XPNPEP2: variants seen among roughly 807,000 people sequenced by gnomAD.
XPNPEP2 encodes X-prolyl aminopeptidase 2, also known as xaa-Pro aminopeptidase 2.
A neutral mutation model predicts 59.8 loss-of-function variants in XPNPEP2; 64 were observed. The ratio of observed to expected loss-of-function variants is 1.07; its 90% CI spans 0.87 to 1.32. The LOEUF (loss-of-function observed/expected upper bound fraction) is 1.32. Ranked by LOEUF, XPNPEP2 falls within the 40% of genes most tolerant of loss-of-function variation. The pLI is 0.00. For missense variants in XPNPEP2, 575 were observed against 546.8 expected, an observed-to-expected ratio of 1.05 and a Z score of -0.51; for synonymous variants, 235 against 210.0, an observed-to-expected ratio of 1.12 and a Z score of -1.03.
intron 16 of XPNPEP2, 129 bp downstream of exon 16, chrX:129,760,710 C>T: frequency 1.4e-6 from 1 of 705,003 alleles, no homozygotes; most frequent in Non-Finnish European, 2.1e-6. Context: ...TGAGAAAATC[C>T]AGCCTAGAGA....
rs752181325 is a variant in XPNPEP2 at position 129,751,803 on chromosome X, G to A, written c.798G>A (p.Thr266=). ...ATAACCCCTTCTTCTATTCCTACAC[G>A]CTGCTCACAGACTCTTCTATTAGGT... ...IPYNPFFYSY[T]LLTDSSIRLF... The change falls in exon 9 of 21, where the codon ACG becomes ACA. Residue 266 remains threonine (T), a synonymous_variant. Coordinates refer to ENST00000371106, the MANE Select transcript of XPNPEP2 (RefSeq NM_003399.6). The A allele has an allele frequency of 6.6e-6, 8 of 1,208,393 alleles. No individual in the cohort carries two copies. Among genetic ancestry groups the A allele is most frequent in the Admixed American group, 2.2e-5 (1 of 45,730 alleles).
intron 3 of XPNPEP2, among the ~76,000 whole-genome samples, chrX:129,744,448 C>T (rs1926256637): frequency 8.9e-6 from 1 of 111,749 alleles, no homozygotes; most frequent in African/African-American, 3.3e-5. Flanking sequence ...CCTTCCCATA[C>T]TCTGTGGAAT....
chrX:129,756,235 C>A (rs936763613), intron 13 of XPNPEP2, among the ~76,000 whole-genome samples: 1 of 112,136 alleles, frequency 8.9e-6, no homozygotes, highest in East Asian at 2.8e-4. Context: ...CTCTCATATT[C>A]TGGGCTTTAC....
In XPNPEP2 at chrX:129,746,451, T is replaced by C. The variant is rs1447096537; in HGVS notation, c.403+111T>C. The C allele has an allele frequency of 3.1e-6, 3 of 953,742 alleles. No individual in the cohort carries two copies. The African/African-American group carries it at 5.8e-5, about 18-fold the overall frequency. 78.6% of individuals were successfully genotyped at this position (953,742 alleles called of 1,213,427 possible). A position where few individuals can be genotyped will look rare whatever the true frequency, so the allele number is the denominator to read the frequency against. ...CCATGCTGGGCCTCTATGGGGAGCT[T>C]AGGAAATTTGAGGCCATCACTGACT... On this transcript the variant is annotated intron_variant, in intron 5 of 20. Transcript: ENST00000371106.
rs188063335 is a variant in XPNPEP2 at position 129,746,842 on chromosome X, A to G, written c.490+161A>G. ...GCAGAATGTTTTGCAATGAGGATGT[A>G]TTCATGGATTGTGTAATTAAAATAC... On this transcript the variant is annotated intron_variant, in intron 6 of 20. Transcript: ENST00000371106. 10 of 487,227 alleles carry G rather than the reference A, an allele frequency of 2.1e-5. No individual in the cohort carries two copies. In the East Asian group the frequency reaches 3.5e-4, roughly 17 times the overall value. 40.2% of individuals were successfully genotyped at this position (487,227 alleles called of 1,213,427 possible).
intron 15 of XPNPEP2, 49 bp from the exon 16 acceptor site, chrX:129,760,463 T>TATGG (rs1312963482): frequency 2.6e-6 from 3 of 1,174,152 alleles, no homozygotes; most frequent in Non-Finnish European, 3.5e-6. Flanking sequence ...TGGATACTCC[T>TATGG]CTGGCTCCTC....
Position 129,768,516 on chromosome X carries a change from C to G in XPNPEP2, c.*31C>G. 9.0e-7 allele frequency: 1 copy of G among 1,117,094 alleles called. No homozygotes were observed. Among genetic ancestry groups the G allele is most frequent in the Non-Finnish European group, 1.2e-6 (1 of 845,777 alleles). The allele number at this position is 1,117,094 out of a possible 1,213,427, so 92.1% of individuals were successfully genotyped here. Reference sequence around the variant, plus strand: ...CCAGACTCTCCTGTTAACCCTCCATCTAGATGGGGGGCTCCCTTGCTTAGC... The same window carrying G: ...CCAGACTCTCCTGTTAACCCTCCATGTAGATGGGGGGCTCCCTTGCTTAGC... On this transcript the variant is annotated 3_prime_UTR_variant, in exon 21 of 21. Transcript: ENST00000371106.
At chrX:129,750,718 C>A in intron 8 of XPNPEP2, 149 bp downstream of exon 8, 1 of 485,333 alleles carries the variant, frequency 2.1e-6, no homozygotes, top group South Asian at 4.2e-5. Context: ...CCGTGGGAAC[C>A]AAGAAGGGTA....
chrX:129,763,676 A>C (rs1187358665), intron 19 of XPNPEP2, among the ~76,000 whole-genome samples: 1 of 111,479 alleles, frequency 9.0e-6, no homozygotes. Flanking sequence ...CAATCTAAAA[A>C]AAAAGCAATA....
intron 15 of XPNPEP2, 64 bp from the exon 16 acceptor site, chrX:129,760,448 G>A: frequency 8.8e-7 from 1 of 1,130,700 alleles, no homozygotes; most frequent in African/African-American, 1.8e-5. Flanking sequence ...CATAGGCCAA[G>A]CAGCTGGATA....
chrX:129,751,708 A>T lies in XPNPEP2; in HGVS notation c.740-37A>T, dbSNP rs376884935. ...GAAAAGAAAAGCTTGCCTCAGGCAG[A>T]TCAGCATTAAATATTCCTTGTCAAT... On this transcript the variant is annotated intron_variant, in intron 8 of 20. Coordinates refer to ENST00000371106, the MANE Select transcript of XPNPEP2 (RefSeq NM_003399.6). 3.1e-5 allele frequency: 36 copies of T among 1,146,171 alleles called. 1 individual carries two copies. The South Asian group carries it at 4.2e-4, about 13-fold the overall frequency. The allele number at this position is 1,146,171 out of a possible 1,213,427, so 94.5% of individuals were successfully genotyped here.
intron 1 of XPNPEP2, among the ~76,000 whole-genome samples, chrX:129,740,919 G>T (rs1247935078): frequency 9.7e-6 from 1 of 102,928 alleles, no homozygotes; most frequent in Admixed American, 1.0e-4. Context: ...TCCAGCCTGG[G>T]TGACAGAGAG....
intron 14 of XPNPEP2, among the ~76,000 whole-genome samples, chrX:129,757,955 GAAAGAAAA>G (rs1165066271): frequency 6.0e-4 from 54 of 89,285 alleles, no homozygotes; most frequent in East Asian, 7.3e-4. Context: ...AAGAAAGAAA[GAAAGAAAA>G]AGAATAGGCT....
chrX:129,739,333 T>G, intron 1 of XPNPEP2, 71 bp downstream of exon 1: 1 of 1,096,190 alleles, frequency 9.1e-7, no homozygotes. Flanking sequence ...AGGGTTGGAG[T>G]GAGGGTTGGG....
At chrX:129,752,386 C>T in intron 10 of XPNPEP2, 41 bp downstream of exon 10, 1 of 1,171,256 alleles carries the variant, frequency 8.5e-7, no homozygotes, top group Non-Finnish European at 1.2e-6. Flanking sequence ...GCACCAATCC[C>T]CACTCTAGGC....
At chrX:129,764,824 C>T (rs1406567349) in intron 19 of XPNPEP2, among the ~76,000 whole-genome samples, 1 of 105,501 alleles carries the variant, frequency 9.5e-6, no homozygotes, top group Non-Finnish European at 2.0e-5. Context: ...ATTAGCCAGG[C>T]GTGGTAGTGT....
At chrX:129,741,037 G>A (rs948944402) in intron 1 of XPNPEP2, among the ~76,000 whole-genome samples, 2 of 109,818 alleles carry the variant, frequency 1.8e-5, no homozygotes, top group African/African-American at 3.3e-5. Context: ...AAAGACAGGG[G>A]GGTTAGAGGC....
rs1206463695 is a variant in XPNPEP2, at chrX:129,769,232, A to G, written c.*747A>G. ...CTGTTAAATCCTCCCACATTCTTGG[A>G]TGCCCCTTCACCTTGTGTGGACAGT... On this transcript the variant is annotated 3_prime_UTR_variant, in exon 21 of 21. Coordinates refer to ENST00000371106, the MANE Select transcript of XPNPEP2 (RefSeq NM_003399.6). The G allele has an allele frequency of 8.9e-6, 1 of 112,543 alleles. No homozygotes were observed. Among genetic ancestry groups the G allele is most frequent in the Non-Finnish European group, 1.9e-5 (1 of 53,295 alleles). 9.3% of individuals were successfully genotyped at this position (112,543 alleles called of 1,213,427 possible). A position where few individuals can be genotyped will look rare whatever the true frequency, so the allele number is the denominator to read the frequency against.
intron 13 of XPNPEP2, 125 bp from the exon 14 acceptor site, chrX:129,756,359 T>C (rs1926516627): frequency 1.6e-6 from 1 of 641,017 alleles, no homozygotes; most frequent in African/African-American, 2.2e-5. Flanking sequence ...CCCTTTGGGA[T>C]AGAATGACTT....
Sources: allele counts gnomAD v4.1 joint callset (sites outside exome capture counted in the v4.1 genomes callset), GRCh38; gene constraint gnomAD v4.1.1; transcripts MANE v1.5; gene names NCBI Gene and HGNC (gene_info 2026-07-23, HGNC 2026-07-21).